Variants in DYM observed in about 807,000 individuals in gnomAD.
The protein encoded by DYM is dyggve-Melchior-Clausen syndrome protein.
DYM carries 78 observed loss-of-function variants against 93.1 expected under a neutral mutation model. The ratio of observed to expected loss-of-function variants is 0.84; its 90% confidence interval spans 0.70 to 1.01. The LOEUF (loss-of-function observed/expected upper bound fraction) is 1.01, where lower values mean the gene tolerates loss of function less well. Ranked by LOEUF, DYM falls within the 50% of genes least tolerant of loss-of-function variation. The pLI, the probability that DYM is intolerant of heterozygous loss-of-function variation, is 0.00. For synonymous variants in DYM, 321 were observed against 319.7 expected, an observed-to-expected ratio of 1.00 and a Z score of -0.04; for missense variants, 789 against 845.0, an observed-to-expected ratio of 0.93 and a Z score of 0.82.
intron 15 of DYM, among the ~76,000 whole-genome samples, chr18:49,141,828 T>C (rs1416651888): frequency 1.3e-5 from 2 of 152,136 alleles, no homozygotes; most frequent in Non-Finnish European, 2.9e-5. Context: ...TGGGACAAAA[T>C]ATGACATGAA....
chr18:49,207,815 ATC>A (rs34577368), intron 14 of DYM, among the ~76,000 whole-genome samples: 82,439 of 151,574 alleles, frequency 0.54, 24,507 homozygotes, highest in Non-Finnish European at 0.68. Context: ...CTCTGTCTCC[ATC>A]TCTCTCTCTC....
intron 13 of DYM, among the ~76,000 whole-genome samples, chr18:49,253,361 T>G (rs763340178): frequency 7.9e-5 from 12 of 152,322 alleles, no homozygotes; most frequent in Middle Eastern, 3.4e-3. Context: ...CTTATCATAC[T>G]TTACATTTCT....
At chr18:49,107,310 A>AT (rs1218378263) in intron 16 of DYM, among the ~76,000 whole-genome samples, 3 of 151,876 alleles carry the variant, frequency 2.0e-5, no homozygotes, top group African/African-American at 4.8e-5. Flanking sequence ...CATTCGTCTA[A>AT]TTTTTTTTCA....
intron 2 of DYM, among the ~76,000 whole-genome samples, chr18:49,426,881 C>A (rs1336566287): frequency 6.6e-6 from 1 of 151,726 alleles, no homozygotes; most frequent in Non-Finnish European, 1.5e-5. Context: ...TACACCAACC[C>A]CTTCCTGAAA....
intron 8 of DYM, among the ~76,000 whole-genome samples, chr18:49,315,054 C>T (rs958173042): frequency 6.6e-6 from 1 of 151,910 alleles, no homozygotes; most frequent in African/African-American, 2.4e-5. Context: ...GTCTCTACAA[C>T]AGATACAAAA....
intron 13 of DYM, among the ~76,000 whole-genome samples, chr18:49,237,777 T>C (rs1013346865): frequency 6.6e-6 from 1 of 152,212 alleles, no homozygotes; most frequent in Non-Finnish European, 1.5e-5. Context: ...AGTTTCTGCA[T>C]GTAAACAAAG....
At position 49,118,780 on chromosome 18, in the gene DYM, A is replaced by G; in HGVS notation, c.1875T>C (p.His625=). The G allele has an allele frequency of 1.2e-6, 2 of 1,614,142 alleles. No homozygotes were observed. Among genetic ancestry groups the G allele is most frequent in the Non-Finnish European group, 1.7e-6 (2 of 1,179,996 alleles). Residue 625 remains histidine (H), a synonymous_variant, in exon 16 of 18, where the codon CAT becomes CAC. Coordinates refer to ENST00000675505, the MANE Select transcript of DYM (RefSeq NM_001353214.3). ...KRDLFEQFRT[H]PSFQDIMQNI... is the part of the protein sequence containing the mutation. ...TTTGCATTATATCCTGAAATGAAGG[A>G]TGAGTTCGAAATTGTTCAAAGAGAT...
At chr18:49,379,976 T>C (rs2067888990) in intron 3 of DYM, among the ~76,000 whole-genome samples, 2 of 152,116 alleles carry the variant, frequency 1.3e-5, no homozygotes, top group Admixed American at 1.3e-4. Context: ...ATGAAAATGA[T>C]AGAAACAGTA....
In DYM at chr18:49,050,487, C is replaced by A. The variant is rs556206882; in HGVS notation, c.2026-6283G>T. On this transcript the variant is annotated intron_variant, in intron 17 of 17. Transcript: ENST00000675505. ...ACCATCTATGAAGGGGTAACTTCTG[C>A]AATGTATGTGACCTAGGTGTTTACC... Among the ~76,000 whole-genome samples, 4 of 152,270 alleles carry A rather than the reference C, an allele frequency of 2.6e-5. No individual in the cohort carries two copies. In the South Asian group the frequency reaches 8.3e-4, roughly 32 times the overall value.
chr18:49,102,349 G>A (rs1401359789), intron 16 of DYM, among the ~76,000 whole-genome samples: 3 of 151,956 alleles, frequency 2.0e-5, no homozygotes, highest in Non-Finnish European at 2.9e-5. Context: ...TATTTCCCTT[G>A]TAAACTTCTT....
chr18:49,044,524 C>G (rs1395780875), intron 17 of DYM, among the ~76,000 whole-genome samples: 1 of 152,232 alleles, frequency 6.6e-6, no homozygotes, highest in Non-Finnish European at 1.5e-5. Flanking sequence ...TGGACCCTGC[C>G]TGGGAGGCAG....
At chr18:49,328,189 A>G (rs533737349) in intron 8 of DYM, among the ~76,000 whole-genome samples, 6 of 152,366 alleles carry the variant, frequency 3.9e-5, no homozygotes, top group South Asian at 4.1e-4. Context: ...TTATATAAAC[A>G]TTAGTTCTCA....
At chr18:49,130,789 C>A (rs2083308980) in intron 15 of DYM, among the ~76,000 whole-genome samples, 3 of 152,088 alleles carry the variant, frequency 2.0e-5, no homozygotes, top group Admixed American at 2.0e-4. Flanking sequence ...ACACAGGTTA[C>A]CATTTAGGGG....
At chr18:49,420,372 T>A (rs1158135425) in intron 2 of DYM, among the ~76,000 whole-genome samples, 1 of 152,048 alleles carries the variant, frequency 6.6e-6, no homozygotes, top group Non-Finnish European at 1.5e-5. Flanking sequence ...TTTCACCACG[T>A]TGACCAGGCT....
intron 2 of DYM, among the ~76,000 whole-genome samples, chr18:49,418,419 A>G (rs2073250820): frequency 6.6e-6 from 1 of 152,214 alleles, no homozygotes. Flanking sequence ...TTTGTTTCAG[A>G]TCTTTGCTGC....
chr18:49,246,327 A>T (rs1201328133), intron 13 of DYM, among the ~76,000 whole-genome samples: 1 of 152,228 alleles, frequency 6.6e-6, no homozygotes, highest in Non-Finnish European at 1.5e-5. Flanking sequence ...TTCTCCTGTT[A>T]ACACAACACT....
At chr18:49,114,552 T>A in intron 16 of DYM, 1 of 985,416 alleles carries the variant, frequency 1.0e-6, no homozygotes, top group Non-Finnish European at 1.2e-6. Context: ...GCTTTTCACT[T>A]CTTCCAAAGG....
intron 14 of DYM, among the ~76,000 whole-genome samples, chr18:49,181,349 A>C (rs1269644843): frequency 2.0e-5 from 3 of 152,200 alleles, no homozygotes; most frequent in Non-Finnish European, 2.9e-5. Flanking sequence ...ATTTTAATTT[A>C]ATCCTTGATC....
intron 8 of DYM, among the ~76,000 whole-genome samples, chr18:49,329,179 C>T (rs1357624852): frequency 1.3e-5 from 2 of 150,544 alleles, no homozygotes; most frequent in Non-Finnish European, 2.9e-5. Context: ...CAAACTATTG[C>T]AAGGACAGAA....
Sources: allele counts gnomAD v4.1 joint callset (sites outside exome capture counted in the v4.1 genomes callset), GRCh38; gene constraint gnomAD v4.1.1; transcripts MANE v1.5; gene names NCBI Gene and HGNC (gene_info 2026-07-23, HGNC 2026-07-21).